The following DEPDC1 variants were observed in gnomAD, a reference collection of about 807,000 sequenced individuals.
DEPDC1 encodes DEP domain containing 1, also known as DEP domain-containing protein 1A.
Under a neutral mutation model 86.8 loss-of-function variants are expected in DEPDC1, and 66 were observed. The observed-to-expected ratio is 0.76, with a 90% CI of 0.62 to 0.93. DEPDC1 has a LOEUF of 0.93. Among genes scored for constraint, DEPDC1 ranks in the 40% least tolerant of loss-of-function variants. The probability of loss-of-function intolerance (pLI) is 0.00; values close to 1 mark genes in which losing one functional copy is unlikely to be tolerated. For synonymous variants in DEPDC1, 255 were observed against 314.9 expected (o/e 0.81, Z 2.02); for missense variants, 792 against 935.7 (o/e 0.85, Z 2.00).
At position 68,496,887 on chromosome 1, in the gene DEPDC1, A is replaced by G; in HGVS notation, c.48+65T>C. 1.3e-6 allele frequency: 2 copies of G among 1,552,588 alleles called. No homozygotes were observed. Among genetic ancestry groups the G allele is most frequent in the Non-Finnish European group, 1.8e-6 (2 of 1,130,328 alleles). On this transcript the variant is annotated intron_variant, in intron 1 of 11. Transcript: ENST00000456315. This position sits in a 1 kb window ranked among gnomAD's most constrained non-coding sequence, Gnocchi z 4.0. ...GGTAAAACTGCGAACGGTCGAGGTA[A>G]AACTGCGAACAGTGGTGACTGCCGT... is the stretch of plus-strand genomic sequence containing the variant.
chr1:68,485,211 T>C (rs114776258), intron 6 of DEPDC1, among the ~76,000 whole-genome samples: 1,807 of 151,272 alleles, frequency 0.012, 32 homozygotes, highest in African/African-American at 0.038. Flanking sequence ...CAGAGCAAAA[T>C]AGATATTTTT....
intron 2 of DEPDC1, 29 bp downstream of exon 2, chr1:68,494,401 A>C: frequency 6.3e-7 from 1 of 1,580,634 alleles, no homozygotes; most frequent in Non-Finnish European, 8.6e-7. Context: ...ACAGTAATTC[A>C]GTTTTACAGT....
intron 1 of DEPDC1, among the ~76,000 whole-genome samples, 170 bp from the exon 2 acceptor site, chr1:68,494,865 G>A (rs938536871): frequency 2.0e-5 from 3 of 152,072 alleles, no homozygotes; most frequent in Non-Finnish European, 2.9e-5. Context: ...ATATCTGGCC[G>A]GGCACGGTGG....
At chr1:68,483,302 T>C (rs1646170903) in intron 7 of DEPDC1, 1 of 519,870 alleles carries the variant, frequency 1.9e-6, no homozygotes, top group African/African-American at 1.9e-5. Flanking sequence ...ATCCTTGAAA[T>C]TTCCTGAATG....
At position 68,481,824 on chromosome 1, in the gene DEPDC1, A is replaced by C. The variant is rs545409487; in HGVS notation, c.1763-212T>G. The C allele has an allele frequency of 3.7e-3, 2,269 of 606,278 alleles. 8 individuals carry two copies. The highest frequency in any genetic ancestry group is 5.4e-3 in the Non-Finnish European group (2,084 of 383,082). 37.6% of individuals were successfully genotyped at this position (606,278 alleles called of 1,614,324 possible). A position where few individuals can be genotyped will look rare whatever the true frequency, so the allele number is the denominator to read the frequency against. ...AGTATTAAAATTCTTCACTTATTAC[A>C]AATAAAGTGACTCAGAATAAATGAA... On this transcript the variant is annotated intron_variant, in intron 8 of 11. Coordinates refer to ENST00000456315, the MANE Select transcript of DEPDC1 (RefSeq NM_001114120.3).
chr1:68,496,851 C>T lies in DEPDC1; in HGVS notation c.48+101G>A. The T allele has an allele frequency of 2.5e-6, 3 of 1,209,024 alleles. No individual in the cohort carries two copies. Among genetic ancestry groups the T allele is most frequent in the South Asian group, 1.3e-5 (1 of 75,378 alleles). The allele number at this position is 1,209,024 out of a possible 1,614,324, so 74.9% of individuals were successfully genotyped here. A position where few individuals can be genotyped will look rare whatever the true frequency, so the allele number is the denominator to read the frequency against. On this transcript the variant is annotated intron_variant, in intron 1 of 11. Coordinates refer to ENST00000456315, the MANE Select transcript of DEPDC1 (RefSeq NM_001114120.3). The surrounding 1 kb of genome is among the most constrained non-coding windows in gnomAD (Gnocchi z 4.0). ...GAACCTAGGGATCCTGGGACTCATC[C>T]CTCCGACCGAGGTAAAACTGCGAAC... is the stretch of plus-strand genomic sequence containing the variant.
At chr1:68,478,098 C>G (rs1308078142) in intron 10 of DEPDC1, 126 bp from the exon 11 acceptor site, 1 of 631,076 alleles carries the variant, frequency 1.6e-6, no homozygotes, top group Non-Finnish European at 2.4e-6. Flanking sequence ...ATTAAAAAAA[C>G]TATGTATTAT....
Position 68,481,545 on chromosome 1 carries a change from G to A in DEPDC1, c.1830C>T (p.Pro610=). 1 of 1,611,916 alleles carries A rather than the reference G, an allele frequency of 6.2e-7. No homozygotes were observed. Among genetic ancestry groups the A allele is most frequent in the South Asian group, 1.1e-5 (1 of 90,904 alleles). Residue 610 remains proline (P), a synonymous_variant, in exon 9 of 12, where the codon CCC becomes CCT. Coordinates refer to ENST00000456315, the MANE Select transcript of DEPDC1 (RefSeq NM_001114120.3). The part of the protein sequence containing the change: ...DALQLCCLLL[P]PPNRRKLQLL... Reference sequence around the variant, plus strand: ...GTTGAAGCTTTCTACGATTTGGTGGGGGAAGTAACAAACAACATAACTGTA... The same window carrying A: ...GTTGAAGCTTTCTACGATTTGGTGGAGGAAGTAACAAACAACATAACTGTA...
Position 68,475,256 on chromosome 1 carries a change from G to A in DEPDC1, c.*1676C>T, listed in dbSNP as rs1268658427. ...TAATCTCAATTGCATGTACATTAGTGCAAATGAAAGTTGCCTGCCTTTATT... is the reference window on the plus strand; with the variant it reads ...TAATCTCAATTGCATGTACATTAGTACAAATGAAAGTTGCCTGCCTTTATT... On this transcript the variant is annotated 3_prime_UTR_variant, in exon 12 of 12. Transcript: ENST00000456315. 6.6e-6 allele frequency: 1 copy of A among 151,808 alleles called. No homozygotes were observed. The highest frequency in any genetic ancestry group is 1.5e-5 in the Non-Finnish European group (1 of 67,872). The allele number at this position is 151,808 out of a possible 1,614,324, so 9.4% of individuals were successfully genotyped here. A position where few individuals can be genotyped will look rare whatever the true frequency, so the allele number is the denominator to read the frequency against.
chr1:68,494,586 A>G lies in DEPDC1; in HGVS notation c.158T>C (p.Leu53Pro). Reference sequence around the variant, plus strand: ...GCTATTATTTCTTAATAGGTCATAAAGCCAATCCACTGCTTCTCCTGCTGT... The same window carrying G: ...GCTATTATTTCTTAATAGGTCATAAGGCCAATCCACTGCTTCTCCTGCTGT... ...CFTAGEAVDW[L>P]YDLLRNNSNF... The change falls in exon 2 of 12, where the codon CTT (leucine) becomes CCT (proline). Residue 53 changes from leucine to proline, a missense_variant. Transcript: ENST00000456315. 6.2e-7 allele frequency: 1 copy of G among 1,613,824 alleles called. No individual in the cohort carries two copies. Among genetic ancestry groups the G allele is most frequent in the Non-Finnish European group, 8.5e-7 (1 of 1,179,814 alleles).
chr1:68,483,847 A>T, intron 7 of DEPDC1, 103 bp downstream of exon 7: 2 of 754,918 alleles, frequency 2.6e-6, no homozygotes, highest in Non-Finnish European at 2.0e-6. Context: ...AATAATTTGT[A>T]GGCTGCCACC....
intron 6 of DEPDC1, among the ~76,000 whole-genome samples, chr1:68,485,686 T>C (rs1646188496): frequency 6.6e-6 from 1 of 152,110 alleles, no homozygotes; most frequent in Non-Finnish European, 1.5e-5. Flanking sequence ...AAGAGAGGAA[T>C]AGCTAACTAT....
At chr1:68,478,036 C>T in intron 10 of DEPDC1, 64 bp from the exon 11 acceptor site, 1 of 1,216,480 alleles carries the variant, frequency 8.2e-7, no homozygotes, top group Non-Finnish European at 1.1e-6. Flanking sequence ...ATAAAGTATT[C>T]TTTTGATGGG....
rs962572147 is a variant in DEPDC1, at chr1:68,475,939, A to T, written c.*993T>A. ...CCCAAAATTCAGATTTAATTAGTGT[A>T]AGTTAGGCCCTGGGCATATAGGCTG... On this transcript the variant is annotated 3_prime_UTR_variant, in exon 12 of 12. Transcript: ENST00000456315. The T allele has an allele frequency of 1.3e-5, 2 of 151,870 alleles. No homozygotes were observed. The highest frequency in any genetic ancestry group is 2.4e-5 in the African/African-American group (1 of 41,416). The allele number at this position is 151,870 out of a possible 1,614,324, so 9.4% of individuals were successfully genotyped here.
chr1:68,485,209 AATAG>A (rs1646185544), intron 6 of DEPDC1, among the ~76,000 whole-genome samples: 1 of 151,736 alleles, frequency 6.6e-6, no homozygotes, highest in South Asian at 2.1e-4. Context: ...AACAGAGCAA[AATAG>A]ATATTTTTCT....
intron 3 of DEPDC1, among the ~76,000 whole-genome samples, 182 bp downstream of exon 3, chr1:68,489,270 C>T (rs1646213650): frequency 6.6e-6 from 1 of 151,814 alleles, no homozygotes; most frequent in South Asian, 2.1e-4. Context: ...GTCTCACTAT[C>T]ATTTTTATTA....
chr1:68,485,225 A>G (rs1646185733), intron 6 of DEPDC1, among the ~76,000 whole-genome samples: 1 of 151,876 alleles, frequency 6.6e-6, no homozygotes, highest in Non-Finnish European at 1.5e-5. Flanking sequence ...TATTTTTCTA[A>G]GGACATAAGA....
rs1557621272 is a variant in DEPDC1 at position 68,488,478 on chromosome 1, G to C, written c.617C>G (p.Ser206Cys). The C allele has an allele frequency of 1.2e-6, 2 of 1,605,004 alleles. No individual in the cohort carries two copies. The highest frequency in any genetic ancestry group is 1.7e-6 in the Non-Finnish European group (2 of 1,176,712). Residue 206 changes from serine to cysteine, a missense_variant, in exon 5 of 12, where the codon TCC becomes TGC. Transcript: ENST00000456315. ...TTTTGGATTTATGACTTCTTCTAGG[G>C]ATGGCACACCTAAAATGGTTTGCAG... ...IYLQTILGVPSLEEVINPKQV... is the reference protein window; with the variant it reads ...IYLQTILGVPCLEEVINPKQV...
intron 7 of DEPDC1, 22 bp from the exon 8 acceptor site, chr1:68,482,919 A>G (rs376951809): frequency 1.2e-4 from 178 of 1,539,026 alleles, no homozygotes; most frequent in Non-Finnish European, 1.4e-4. Context: ...TGAAACAAAA[A>G]TTAAGATGCA....
Sources: gnomAD v4.1 joint callset for allele counts (sites outside exome capture counted in the v4.1 genomes callset) on GRCh38, gnomAD v4.1.1 for gene constraint, Gnocchi (gnomAD v3.1) non-coding constraint, MANE v1.5 for transcripts, NCBI Gene and HGNC (gene_info 2026-07-23, HGNC 2026-07-21) for gene names.